PREX1: variants seen among roughly 807,000 people sequenced by gnomAD.
The protein encoded by PREX1 is phosphatidylinositol 3,4,5-trisphosphate-dependent Rac exchanger 1 protein.
In PREX1, 41 loss-of-function variants were observed where a neutral mutation model predicts 198.3. The ratio of observed to expected loss-of-function variants is 0.21; its 90% CI spans 0.16 to 0.27. The LOEUF is 0.27. PREX1 is among the 10% of genes least tolerant of loss of function. PREX1 has a pLI of 1.00. For missense variants in PREX1, 1,620 were observed against 2,200.7 expected, an observed-to-expected ratio of 0.74 and a Z score of 5.28; for synonymous variants, 843 against 887.2, an observed-to-expected ratio of 0.95 and a Z score of 0.89.
chr20:48,811,841 C>T (rs1323466800), intron 1 of PREX1, among the ~76,000 whole-genome samples: 1 of 152,246 alleles, frequency 6.6e-6, no homozygotes, highest in East Asian at 1.9e-4. Flanking sequence ...TTGGATACAA[C>T]TTAAACCTCC....
intron 5 of PREX1, among the ~76,000 whole-genome samples, chr20:48,717,787 G>T (rs1431101525): frequency 6.6e-6 from 1 of 152,224 alleles, no homozygotes; most frequent in Admixed American, 6.5e-5. Context: ...GGAAAGGGGG[G>T]TAAAGTGGGA....
chr20:48,639,995 T>G, intron 29 of PREX1, 101 bp from the exon 30 acceptor site: 1 of 1,440,632 alleles, frequency 6.9e-7, no homozygotes, highest in Non-Finnish European at 9.5e-7. Flanking sequence ...CCAGAGCTCA[T>G]AATCCTAGAT....
At chr20:48,721,145 C>T (rs991025318) in intron 5 of PREX1, among the ~76,000 whole-genome samples, 11 of 152,168 alleles carry the variant, frequency 7.2e-5, no homozygotes, top group African/African-American at 2.7e-4. Context: ...ACAGGGGTGG[C>T]CTTTCCACAT....
At chr20:48,740,003 G>A (rs762289479) in intron 3 of PREX1, among the ~76,000 whole-genome samples, 1 of 152,208 alleles carries the variant, frequency 6.6e-6, no homozygotes, top group Admixed American at 6.5e-5. Flanking sequence ...TCAGTAGTTA[G>A]TGGTTGGGTT....
chr20:48,766,019 A>G (rs932864848), intron 1 of PREX1, among the ~76,000 whole-genome samples: 11 of 152,172 alleles, frequency 7.2e-5, no homozygotes, highest in African/African-American at 2.6e-4. Context: ...CACCCTCCTT[A>G]CGAGAATCTA....
chr20:48,791,374 G>A (rs1342611659), intron 1 of PREX1, among the ~76,000 whole-genome samples: 1 of 152,214 alleles, frequency 6.6e-6, no homozygotes, highest in Non-Finnish European at 1.5e-5. Flanking sequence ...CAAACCCAGA[G>A]GAGGTGTTAT....
intron 35 of PREX1, among the ~76,000 whole-genome samples, chr20:48,631,264 A>T (rs932273226): frequency 6.6e-6 from 1 of 152,246 alleles, no homozygotes; most frequent in Non-Finnish European, 1.5e-5. Flanking sequence ...CCATTGCAGC[A>T]CAAAAGCAGC....
At chr20:48,853,806 G>T in the PREX1 span, among the ~76,000 whole-genome samples, 3 of 152,214 alleles carry the variant, frequency 2.0e-5, no homozygotes, top group Non-Finnish European at 4.4e-5. Context: ...GTGACATCAA[G>T]CAAGACACTT....
intron 5 of PREX1, among the ~76,000 whole-genome samples, chr20:48,712,385 TC>T (rs1199338475): frequency 6.6e-6 from 1 of 151,916 alleles, no homozygotes; most frequent in Non-Finnish European, 1.5e-5. Flanking sequence ...TCTTCCCACC[TC>T]CCCCAACAAA....
intron 1 of PREX1, among the ~76,000 whole-genome samples, chr20:48,797,143 T>C (rs1042882324): frequency 3.2e-4 from 49 of 152,020 alleles, no homozygotes; most frequent in African/African-American, 1.2e-3. Context: ...TGGAAAGCAT[T>C]TCTGGAAATT....
the PREX1 span, among the ~76,000 whole-genome samples, chr20:48,882,214 T>C: frequency 2.0e-5 from 3 of 152,022 alleles, no homozygotes; most frequent in East Asian, 5.8e-4. Flanking sequence ...GTTAAGAATC[T>C]TCATGTTGCT....
chr20:48,791,508 C>T (rs535978993), intron 1 of PREX1, among the ~76,000 whole-genome samples: 4 of 152,134 alleles, frequency 2.6e-5, no homozygotes, highest in Non-Finnish European at 5.9e-5. Flanking sequence ...GAGCAAGTCT[C>T]GTTTTATGAC....
the PREX1 span, among the ~76,000 whole-genome samples, chr20:48,868,602 C>A: frequency 6.6e-6 from 1 of 151,980 alleles, no homozygotes; most frequent in South Asian, 2.1e-4. Flanking sequence ...GTAAGAAAAA[C>A]CTGATTTTTT....
At chr20:48,812,307 TAA>T (rs2090439815) in intron 1 of PREX1, among the ~76,000 whole-genome samples, 1 of 132,592 alleles carries the variant, frequency 7.5e-6, no homozygotes, top group African/African-American at 2.7e-5. Flanking sequence ...GTAAATAATA[TAA>T]GAGGAATGGG....
At chr20:48,700,925 A>T in intron 6 of PREX1, 39 bp from the exon 7 acceptor site, 1 of 1,612,148 alleles carries the variant, frequency 6.2e-7, no homozygotes, top group East Asian at 2.2e-5. Context: ...GAGCCAACCC[A>T]GGAACATCCC....
intron 1 of PREX1, among the ~76,000 whole-genome samples, chr20:48,810,426 A>T (rs951567795): frequency 5.0e-4 from 76 of 151,536 alleles, no homozygotes; most frequent in African/African-American, 1.4e-3. Flanking sequence ...TCTAAAAAAA[A>T]TTTTTTAATT....
chr20:48,762,691 T>C (rs1413317517), intron 1 of PREX1, among the ~76,000 whole-genome samples: 1 of 150,516 alleles, frequency 6.6e-6, no homozygotes, highest in African/African-American at 2.4e-5. Flanking sequence ...CTGCTAATGG[T>C]ATGAAGTTTC....
chr20:48,727,275 G>A (rs1167760504), intron 4 of PREX1, among the ~76,000 whole-genome samples: 1 of 152,088 alleles, frequency 6.6e-6, no homozygotes, highest in Non-Finnish European at 1.5e-5. Context: ...GGCTTGCAGA[G>A]TTAAAAAGTA....
At chr20:48,751,583 G>A (rs947086343) in intron 1 of PREX1, among the ~76,000 whole-genome samples, 1 of 152,214 alleles carries the variant, frequency 6.6e-6, no homozygotes, top group East Asian at 1.9e-4. Context: ...CAGGCAGCAC[G>A]GCGTCCCCTG....
Sources: gnomAD v4.1 joint callset for allele counts (sites outside exome capture counted in the v4.1 genomes callset) on GRCh38, gnomAD v4.1.1 for gene constraint, MANE v1.5 for transcripts, NCBI Gene and HGNC (gene_info 2026-07-23, HGNC 2026-07-21) for gene names.